The following STS variants were observed in gnomAD, a reference collection of about 807,000 sequenced individuals.
STS encodes the protein steryl-sulfatase.
In STS, 7 loss-of-function variants were observed where a neutral mutation model predicts 26.8. That is an observed-to-expected ratio of 0.26 (90% CI 0.15 to 0.49). The LOEUF is 0.49. Ranked by LOEUF, STS falls within the 20% of genes least tolerant of loss-of-function variation. STS has a pLI of 0.98. For missense variants in STS, 434 were observed against 465.6 expected (o/e 0.93, Z 0.63); for synonymous variants, 199 against 189.4 (o/e 1.05, Z -0.42).
At chrX:7,343,728 C>T (rs1395886825) in intron 10 of STS, among the ~76,000 whole-genome samples, 1 of 111,615 alleles carries the variant, frequency 9.0e-6, no homozygotes, top group African/African-American at 3.3e-5. Flanking sequence ...CTAGTGCGTT[C>T]TCTCTCTCTC....
At chrX:7,148,156 G>GCGCGCACCCGCCCGCCC (rs1932923887) in intron 1 of STS, 73 bp downstream of exon 1, 4 of 955,062 alleles carry the variant, frequency 4.2e-6, no homozygotes, top group East Asian at 4.2e-5. Context: ...GAGGAAGTGC[G>GCGCGCACCCGCCCGCCC]CGCGCACCCG....
At chrX:7,275,488 T>C (rs1444374766) in intron 6 of STS, among the ~76,000 whole-genome samples, 1 of 111,605 alleles carries the variant, frequency 9.0e-6, no homozygotes, top group African/African-American at 3.3e-5. Context: ...TGTTTGCATA[T>C]ATCAATTAAA....
chrX:7,211,650 A>C (rs1200737772), intron 2 of STS, among the ~76,000 whole-genome samples: 1 of 112,199 alleles, frequency 8.9e-6, no homozygotes, highest in African/African-American at 3.2e-5. Context: ...TTGTTTTTCC[A>C]ACCAGTATTT....
At chrX:7,296,649 C>T (rs1925680037) in intron 7 of STS, among the ~76,000 whole-genome samples, 1 of 112,319 alleles carries the variant, frequency 8.9e-6, no homozygotes, top group Non-Finnish European at 1.9e-5. Context: ...CAGGAAAACA[C>T]TGGTGTGCCC....
intron 2 of STS, among the ~76,000 whole-genome samples, chrX:7,203,928 G>A (rs964668250): frequency 9.0e-6 from 1 of 111,110 alleles, no homozygotes; most frequent in African/African-American, 3.3e-5. Context: ...GGGACTACAG[G>A]CGTGTTCTAC....
chrX:7,293,404 A>G (rs766361773), intron 7 of STS, among the ~76,000 whole-genome samples: 3 of 112,032 alleles, frequency 2.7e-5, no homozygotes, highest in Non-Finnish European at 5.6e-5. Flanking sequence ...ACTATCTGGT[A>G]TGAGTGGCAG....
Position 7,207,190 on chromosome X carries a change from T to TA in STS, c.-5+16193dup, listed in dbSNP as rs764336961. ...GGGCAACTGAGTGGCACCCTGTCTT[T>TA]AAAAAAAAAAATTACACTTATTCTC... On this transcript the variant is annotated intron_variant, in intron 2 of 10. Transcript: ENST00000674429. Among the ~76,000 whole-genome samples, 495 of 107,759 alleles carry TA rather than the reference T, an allele frequency of 4.6e-3. 6 individuals carry two copies. The Middle Eastern group carries it at 0.058, about 13-fold the overall frequency. 93.6% of individuals were successfully genotyped at this position (107,759 alleles called of 115,157 possible). A position where few individuals can be genotyped will look rare whatever the true frequency, so the allele number is the denominator to read the frequency against.
At chrX:7,209,601 T>A (rs1920981516) in intron 2 of STS, among the ~76,000 whole-genome samples, 1 of 107,369 alleles carries the variant, frequency 9.3e-6, no homozygotes, top group African/African-American at 3.3e-5. Flanking sequence ...TATTATTTAT[T>A]TTATATATTT....
chrX:7,291,558 C>A (rs1160627822), intron 7 of STS, among the ~76,000 whole-genome samples: 1 of 112,135 alleles, frequency 8.9e-6, no homozygotes, highest in Non-Finnish European at 1.9e-5. Flanking sequence ...CTGTTTCTGG[C>A]GTTACCTTAG....
chrX:7,206,560 A>C (rs1313265945), intron 2 of STS, among the ~76,000 whole-genome samples: 3 of 112,271 alleles, frequency 2.7e-5, no homozygotes, highest in Non-Finnish European at 3.8e-5. Context: ...CTTTATCTGC[A>C]AAAATGGCTA....
chrX:7,274,482 T>C (rs184826682), intron 6 of STS, among the ~76,000 whole-genome samples: 1 of 111,846 alleles, frequency 8.9e-6, no homozygotes, highest in Non-Finnish European at 1.9e-5. Context: ...GAGGTAAAGA[T>C]TGAGCCTACG....
intron 8 of STS, among the ~76,000 whole-genome samples, chrX:7,310,455 A>T (rs1430481209): frequency 1.8e-5 from 2 of 112,119 alleles, no homozygotes; most frequent in East Asian, 5.6e-4. Context: ...AGTCTTGAGA[A>T]GACGCTTCAT....
chrX:7,259,667 C>T lies in STS; in HGVS notation c.701C>T (p.Pro234Leu), dbSNP rs1296198945. The T allele has an allele frequency of 8.3e-7, 1 of 1,211,262 alleles. No individual in the cohort carries two copies. Among genetic ancestry groups the T allele is most frequent in the South Asian group, 1.8e-5 (1 of 56,914 alleles). ...LFLGFLHYFRPLNCFMMRNYE... is the reference protein window; with the variant it reads ...LFLGFLHYFRLLNCFMMRNYE... ...TTGGGCTTCCTTCATTACTTCCGGC[C>T]CCTGAACTGCTTCATGATGAGGAAC... is the stretch of plus-strand genomic sequence containing the variant. The change falls in exon 6 of 11, where the codon CCC (proline) becomes CTC (leucine). Residue 234 changes from proline (P) to leucine (L), a missense_variant. By Grantham distance (98) the Pro-to-Leu change is moderately conservative. Transcript: ENST00000674429.
At chrX:7,198,503 A>T (rs1934011379) in intron 2 of STS, among the ~76,000 whole-genome samples, 1 of 111,826 alleles carries the variant, frequency 8.9e-6, no homozygotes, top group South Asian at 3.8e-4. Context: ...CTTCTGAGCC[A>T]TACTTTCTAA....
chrX:7,201,492 A>T (rs1934072382), intron 2 of STS, among the ~76,000 whole-genome samples: 1 of 110,646 alleles, frequency 9.0e-6, no homozygotes, highest in Non-Finnish European at 1.9e-5. Context: ...GGCTTTATGA[A>T]TCATTATTAG....
chrX:7,298,998 A>G (rs1159168127), intron 7 of STS, among the ~76,000 whole-genome samples: 11 of 87,776 alleles, frequency 1.3e-4, no homozygotes, highest in Admixed American at 4.2e-4. Context: ...TATATAAAAT[A>G]ATTATATATT....
At chrX:7,338,249 G>A (rs1025366348) in intron 10 of STS, among the ~76,000 whole-genome samples, 1 of 111,623 alleles carries the variant, frequency 9.0e-6, no homozygotes, top group Admixed American at 9.5e-5. Context: ...TTTATGGATG[G>A]AATTGATCTT....
At chrX:7,274,469 C>T (rs1227895058) in intron 6 of STS, among the ~76,000 whole-genome samples, 5 of 111,637 alleles carry the variant, frequency 4.5e-5, no homozygotes, top group African/African-American at 9.8e-5. Flanking sequence ...ATTTCCCAGA[C>T]GAGAGGTAAA....
chrX:7,349,129 G>A (rs775393981), intron 10 of STS, among the ~76,000 whole-genome samples: 1 of 99,843 alleles, frequency 1.0e-5, no homozygotes, highest in South Asian at 4.9e-4. Context: ...CTACAGACAC[G>A]TGCCACCACA....
Sources: gnomAD v4.1 joint callset for allele counts (sites outside exome capture counted in the v4.1 genomes callset) on GRCh38, gnomAD v4.1.1 for gene constraint, MANE v1.5 for transcripts, NCBI Gene and HGNC (gene_info 2026-07-23, HGNC 2026-07-21) for gene names.